Variants in USP34 observed in about 807,000 individuals in gnomAD.
USP34 encodes the protein ubiquitin specific peptidase 34.
A neutral mutation model predicts 460.3 loss-of-function variants in USP34; 70 were observed. That is an observed-to-expected ratio of 0.15 (90% CI 0.13 to 0.19). The LOEUF (loss-of-function observed/expected upper bound fraction) is 0.19, where lower values mean the gene tolerates loss of function less well. USP34 is among the 10% of genes least tolerant of loss of function. The pLI, the probability that USP34 is intolerant of heterozygous loss-of-function variation, is 1.00. For synonymous variants in USP34, 1,647 were observed against 1,405.3 expected (o/e 1.17, Z -3.85); for missense variants, 3,985 against 4,236.2 (o/e 0.94, Z 1.65).
intron 3 of USP34, among the ~76,000 whole-genome samples, chr2:61,400,738 C>G (rs1481389244): frequency 2.0e-5 from 3 of 152,022 alleles, no homozygotes; most frequent in African/African-American, 7.2e-5. Context: ...GTACTCCCAG[C>G]TACTTAGGAC....
At chr2:61,323,737 A>C (rs1690999247) in intron 21 of USP34, among the ~76,000 whole-genome samples, 1 of 152,120 alleles carries the variant, frequency 6.6e-6, no homozygotes. Flanking sequence ...TAAATATGAA[A>C]CTTAAATGTT....
intron 8 of USP34, among the ~76,000 whole-genome samples, chr2:61,371,051 T>C (rs549125173): frequency 1.3e-5 from 2 of 152,262 alleles, no homozygotes; most frequent in East Asian, 1.9e-4. Context: ...GAAGATTCAA[T>C]AGATGAAAAG....
At chr2:61,290,593 T>C (rs555719334) in intron 33 of USP34, among the ~76,000 whole-genome samples, 1 of 152,194 alleles carries the variant, frequency 6.6e-6, no homozygotes, top group East Asian at 1.9e-4. Context: ...TACATGAAAT[T>C]TTATAAAATG....
At chr2:61,202,578 G>A (rs1468032666) in intron 75 of USP34, among the ~76,000 whole-genome samples, 1 of 152,120 alleles carries the variant, frequency 6.6e-6, no homozygotes, top group Non-Finnish European at 1.5e-5. Flanking sequence ...GAGACCCCCC[G>A]CCACATAATT....
chr2:61,341,246 AAT>A (rs1691589973), intron 16 of USP34, among the ~76,000 whole-genome samples: 1 of 152,246 alleles, frequency 6.6e-6, no homozygotes, highest in Non-Finnish European at 1.5e-5. Context: ...AGGCCTTCTG[AAT>A]AAAGCAGCAC....
intron 33 of USP34, among the ~76,000 whole-genome samples, chr2:61,292,878 A>AT (rs1689904168): frequency 6.6e-6 from 1 of 152,164 alleles, no homozygotes; most frequent in Admixed American, 6.5e-5. Flanking sequence ...TAAAGTTAAC[A>AT]TTTTTTAAAA....
intron 51 of USP34, among the ~76,000 whole-genome samples, chr2:61,244,280 G>A (rs1268156265): frequency 6.6e-6 from 1 of 152,174 alleles, no homozygotes; most frequent in African/African-American, 2.4e-5. Context: ...TGCCTATAGA[G>A]AAGTGAAATT....
At chr2:61,457,431 C>T (rs542525847) in intron 1 of USP34, among the ~76,000 whole-genome samples, 3 of 152,254 alleles carry the variant, frequency 2.0e-5, no homozygotes, top group African/African-American at 7.2e-5. Context: ...ACCTAGACGG[C>T]CTACTTATAG....
In USP34 at chr2:61,470,736, G is replaced by A; in HGVS notation, c.-44C>T. On this transcript the variant is annotated 5_prime_UTR_variant, in exon 1 of 80. Coordinates refer to ENST00000398571, the MANE Select transcript of USP34 (RefSeq NM_014709.4). ...CCCCTCCCCCGCTTCGGATCACACT[G>A]ACTGATCCCGACCGGCGGGGGGGAG... 2 of 1,539,226 alleles carry A rather than the reference G, an allele frequency of 1.3e-6. No individual in the cohort carries two copies. The highest frequency in any genetic ancestry group is 1.1e-5 in the South Asian group (1 of 86,978).
intron 10 of USP34, among the ~76,000 whole-genome samples, chr2:61,367,906 A>C (rs1262648474): frequency 6.6e-6 from 1 of 152,226 alleles, no homozygotes; most frequent in Non-Finnish European, 1.5e-5. Context: ...ATGAAGAAAT[A>C]AATAAGACAG....
chr2:61,269,068 T>C (rs1181125995), intron 41 of USP34, among the ~76,000 whole-genome samples: 4 of 152,164 alleles, frequency 2.6e-5, no homozygotes, highest in African/African-American at 9.7e-5. Context: ...TAAAAGATGT[T>C]CAAAGATACT....
rs1269678195 is a variant in USP34 at position 61,190,304 on chromosome 2, A to G, written c.9840T>C (p.Val3280=). 1 of 1,613,484 alleles carries G rather than the reference A, an allele frequency of 6.2e-7. No homozygotes were observed. The highest frequency in any genetic ancestry group is 1.1e-5 in the South Asian group (1 of 90,838). The change falls in exon 78 of 80, where the codon GTT becomes GTC. Residue 3280 remains valine, a synonymous_variant. Coordinates refer to ENST00000398571, the MANE Select transcript of USP34 (RefSeq NM_014709.4). ...AAGAAGCACTTGCTTTGGAAATTTC[A>G]ACTCGGTTGGAGAAATCAGACTGTA... The part of the protein sequence containing the change: ...QNLQSDFSNR[V]EISKASASLN...
At chr2:61,244,389 T>C in intron 51 of USP34, among the ~76,000 whole-genome samples, 1 of 152,110 alleles carries the variant, frequency 6.6e-6, no homozygotes. Flanking sequence ...CTGCAGTAGG[T>C]GGATTACTTG....
chr2:61,274,958 A>G (rs954094406), intron 41 of USP34, among the ~76,000 whole-genome samples: 3 of 152,234 alleles, frequency 2.0e-5, no homozygotes, highest in African/African-American at 7.2e-5. Flanking sequence ...TTATGAAGCT[A>G]AATATATTAC....
At chr2:61,408,395 A>G (rs891439655) in intron 2 of USP34, among the ~76,000 whole-genome samples, 7 of 152,134 alleles carry the variant, frequency 4.6e-5, no homozygotes, top group African/African-American at 1.7e-4. Context: ...ACAGAAATAT[A>G]TAATTATAAA....
At chr2:61,197,672 A>C (rs1686847343) in intron 75 of USP34, among the ~76,000 whole-genome samples, 1 of 152,132 alleles carries the variant, frequency 6.6e-6, no homozygotes, top group Non-Finnish European at 1.5e-5. Flanking sequence ...ATCACAGCTC[A>C]TTGTAACCTT....
chr2:61,286,726 A>T (rs576994919), intron 34 of USP34, among the ~76,000 whole-genome samples: 1 of 152,328 alleles, frequency 6.6e-6, no homozygotes, highest in Non-Finnish European at 1.5e-5. Flanking sequence ...AAAGATATTA[A>T]GAGTAGTCAC....
In USP34 at chr2:61,228,963, A is replaced by G. The variant is rs370974455; in HGVS notation, c.7232T>C (p.Ile2411Thr). Reference protein sequence around the residue: ...SDDMDTSVEDIGGRSCVTRFV... With the variant: ...SDDMDTSVEDTGGRSCVTRFV... Reference sequence around the variant, plus strand: ...GCGAGTGACACATGAACGACCACCAATATCTTCTACTGAGGTATCCATATC... The same window carrying G: ...GCGAGTGACACATGAACGACCACCAGTATCTTCTACTGAGGTATCCATATC... The change falls in exon 60 of 80, where the codon ATT (isoleucine) becomes ACT (threonine). Residue 2411 changes from isoleucine to threonine, a missense_variant. Around this residue, in one of 14 missense-constraint regions of USP34, gnomAD observed 604 missense variants for 684.8 expected, o/e 0.88. Transcript: ENST00000398571. 17 of 1,604,870 alleles carry G rather than the reference A, an allele frequency of 1.1e-5. No homozygotes were observed. In the East Asian group the frequency reaches 2.0e-4, roughly 19 times the overall value.
intron 10 of USP34, among the ~76,000 whole-genome samples, chr2:61,353,530 C>T (rs937741664): frequency 2.0e-5 from 3 of 151,626 alleles, no homozygotes; most frequent in Admixed American, 6.6e-5. Context: ...TAGCTGGGAC[C>T]ACAGGTGTGT....
Sources: gnomAD v4.1 joint callset for allele counts (sites outside exome capture counted in the v4.1 genomes callset) on GRCh38, gnomAD v4.1.1 for gene constraint, gnomAD v4.1.1 regional missense constraint, MANE v1.5 for transcripts, NCBI Gene and HGNC (gene_info 2026-07-23, HGNC 2026-07-21) for gene names.